WDR89: variants seen among roughly 807,000 people sequenced by gnomAD.
WDR89 encodes WD repeat domain 89, also known as WD repeat-containing protein 89.
Under a neutral mutation model 29.1 loss-of-function variants are expected in WDR89, and 17 were observed. The observed-to-expected ratio is 0.58, with a 90% confidence interval of 0.40 to 0.88. The LOEUF (loss-of-function observed/expected upper bound fraction) is 0.88, where lower values mean the gene tolerates loss of function less well. Among genes scored for constraint, WDR89 ranks in the 40% least tolerant of loss-of-function variants. WDR89 has a pLI of 0.00. For synonymous variants in WDR89, 138 were observed against 157.8 expected (o/e 0.87, Z 0.94); for missense variants, 396 against 456.3 (o/e 0.87, Z 1.20).
At chr14:63,622,712 A>G (rs1470351952) in intron 2 of WDR89, among the ~76,000 whole-genome samples, 1 of 152,034 alleles carries the variant, frequency 6.6e-6, no homozygotes, top group African/African-American at 2.4e-5. Context: ...GGCTGCAGTG[A>G]GCTGAGATTA....
At chr14:63,616,844 G>C (rs1021731264) in intron 2 of WDR89, among the ~76,000 whole-genome samples, 1 of 152,162 alleles carries the variant, frequency 6.6e-6, no homozygotes. Context: ...TAAAGGGCAA[G>C]AGTATAAGTA....
At position 63,599,232 on chromosome 14, in the gene WDR89, A is replaced by G; in HGVS notation, c.711T>C (p.His237=). The G allele has an allele frequency of 6.2e-7, 1 of 1,606,532 alleles. No individual in the cohort carries two copies. The highest frequency in any genetic ancestry group is 8.5e-7 in the Non-Finnish European group (1 of 1,175,090). The stretch of plus-strand genomic sequence containing the variant: ...GATCCCACCAATAAAATCCTTCATC[A>G]TGTGTCATGCAGTAAATCTGTTTAT... The part of the protein sequence containing the change: ...KGYKQIYCMT[H]DEGFYWWDLN... Residue 237 remains histidine, a synonymous_variant, in exon 3 of 3, where the codon CAT becomes CAC. Transcript: ENST00000620954.
rs1186934877 is a variant in WDR89, at chr14:63,598,255, T to A, written c.*524A>T. 1 of 152,264 alleles carries A rather than the reference T, an allele frequency of 6.6e-6. No individual in the cohort carries two copies. The highest frequency in any genetic ancestry group is 2.4e-5 in the African/African-American group (1 of 41,472). The allele number at this position is 152,264 out of a possible 1,614,324, so 9.4% of individuals were successfully genotyped here. A position where few individuals can be genotyped will look rare whatever the true frequency, so the allele number is the denominator to read the frequency against. On this transcript the variant is annotated 3_prime_UTR_variant, in exon 3 of 3. Transcript: ENST00000620954. ...ACATATTTTTCTCACTTTACATAGA[T>A]GCCTATCATTTCATTTGTAAAAAAG... is the stretch of plus-strand genomic sequence containing the variant.
chr14:63,608,793 T>C (rs372069224), intron 2 of WDR89, among the ~76,000 whole-genome samples: 1 of 151,734 alleles, frequency 6.6e-6, no homozygotes, highest in East Asian at 1.9e-4. Context: ...AAGTAAACAA[T>C]TACAATATAG....
intron 2 of WDR89, among the ~76,000 whole-genome samples, chr14:63,611,569 T>C (rs1357319770): frequency 6.6e-6 from 1 of 151,960 alleles, no homozygotes; most frequent in Non-Finnish European, 1.5e-5. Flanking sequence ...GTTAATAGTA[T>C]TATTCCAATG....
chr14:63,628,688 G>C (rs544117119), intron 1 of WDR89, among the ~76,000 whole-genome samples: 3 of 152,338 alleles, frequency 2.0e-5, no homozygotes, highest in Admixed American at 1.3e-4. Flanking sequence ...CACTGGCCGG[G>C]TGCGGTGGCT....
intron 2 of WDR89, among the ~76,000 whole-genome samples, chr14:63,605,205 TACACATACACACACAC>T (rs1250654191): frequency 0.023 from 2,955 of 128,118 alleles, 43 homozygotes; most frequent in Non-Finnish European, 0.027. Flanking sequence ...CATATATACA[TACACATACACACACAC>T]ACACACACAC....
chr14:63,599,498 T>C lies in WDR89; in HGVS notation c.445A>G (p.Arg149Gly). 6.2e-7 allele frequency: 1 copy of C among 1,614,182 alleles called. No individual in the cohort carries two copies. Among genetic ancestry groups the C allele is most frequent in the South Asian group, 1.1e-5 (1 of 91,082 alleles). Residue 149 changes from arginine to glycine, a missense_variant, in exon 3 of 3, where the codon AGG (arginine) becomes GGG (glycine). Transcript: ENST00000620954. ...DDALLVFWDA[R>G]MNSQNLSTTK... ...GTAGATAAATTCTGAGAATTCATCC[T>C]TGCATCCCAAAACACCAACAATGCA...
intron 2 of WDR89, among the ~76,000 whole-genome samples, chr14:63,608,624 T>C (rs1881747530): frequency 6.6e-6 from 1 of 151,532 alleles, no homozygotes; most frequent in Non-Finnish European, 1.5e-5. Flanking sequence ...GTGTAAATAC[T>C]GCAGTGAAGT....
At chr14:63,609,744 C>G (rs867418722) in intron 2 of WDR89, among the ~76,000 whole-genome samples, 6 of 151,612 alleles carry the variant, frequency 4.0e-5, no homozygotes, top group Non-Finnish European at 8.8e-5. Flanking sequence ...GAGCCAAGAT[C>G]GCGCCACTGC....
rs1894940013 is a variant in WDR89 at position 63,599,398 on chromosome 14, T to C, written c.545A>G (p.Asn182Ser). 2 of 1,614,074 alleles carry C rather than the reference T, an allele frequency of 1.2e-6. No homozygotes were observed. Among genetic ancestry groups the C allele is most frequent in the African/African-American group, 1.3e-5 (1 of 74,926 alleles). Residue 182 changes from asparagine (N) to serine (S), a missense_variant, in exon 3 of 3, where the codon AAT becomes AGT. By Grantham distance (46) the Asn-to-Ser change is conservative (BLOSUM62 1). Coordinates refer to ENST00000620954, the MANE Select transcript of WDR89 (RefSeq NM_080666.4). ...TGAACCTGAGACTACCATGTTGGGA[T>C]TGCTGGGATGGAAACGTACTTGAGT... Reference protein sequence around the residue: ...DVTQVRFHPSNPNMVVSGSSD... With the variant: ...DVTQVRFHPSSPNMVVSGSSD...
At chr14:63,640,725 C>T (rs1386101929) in intron 1 of WDR89, among the ~76,000 whole-genome samples, 3 of 151,698 alleles carry the variant, frequency 2.0e-5, no homozygotes, top group Admixed American at 6.6e-5. Context: ...ATCCGCCCGC[C>T]TCGGCCTCCC....
intron 2 of WDR89, among the ~76,000 whole-genome samples, chr14:63,610,684 A>ATTCTT (rs1260659307): frequency 4.4e-4 from 66 of 148,672 alleles, no homozygotes; most frequent in Non-Finnish European, 7.3e-4. Flanking sequence ...TTTGAGGAAT[A>ATTCTT]TTCTTTTCTT....
intron 2 of WDR89, among the ~76,000 whole-genome samples, chr14:63,609,124 C>A (rs76477249): frequency 2.0e-5 from 3 of 150,810 alleles, no homozygotes; most frequent in African/African-American, 4.9e-5. Flanking sequence ...AAAAAAAACC[C>A]AAAAAAACAA....
chr14:63,601,560 G>C, intron 2 of WDR89: 1 of 1,595,434 alleles, frequency 6.3e-7, no homozygotes, highest in African/African-American at 1.3e-5. Flanking sequence ...AGTATTGGTT[G>C]AAAGGAGTGC....
chr14:63,631,176 G>C (rs538297333), intron 1 of WDR89, among the ~76,000 whole-genome samples: 1 of 152,072 alleles, frequency 6.6e-6, no homozygotes, highest in Non-Finnish European at 1.5e-5. Flanking sequence ...ATCATTACAC[G>C]AAGTATACGT....
chr14:63,634,998 C>A, intron 1 of WDR89, among the ~76,000 whole-genome samples: 1 of 150,822 alleles, frequency 6.6e-6, no homozygotes. Context: ...GATTGTGCCA[C>A]TACACTCTGT....
rs148166572 is a variant in WDR89 at position 63,628,942 on chromosome 14, AAAAAAAC to A, written c.-137-3916_-137-3910del. Among the ~76,000 whole-genome samples, 681 of 151,938 alleles carry A rather than the reference AAAAAAAC, an allele frequency of 4.5e-3. 20 individuals carry two copies. In the East Asian group the frequency reaches 0.077, roughly 17 times the overall value. ...TGACAATGTGAGACCCTGTCTCAAA[AAAAAAAC>A]AAAAAACAAAAAACGATGTTTGCCT... On this transcript the variant is annotated intron_variant, in intron 1 of 2. Coordinates refer to ENST00000620954, the MANE Select transcript of WDR89 (RefSeq NM_080666.4).
intron 1 of WDR89, among the ~76,000 whole-genome samples, chr14:63,628,288 T>C (rs1883195080): frequency 6.6e-6 from 1 of 152,228 alleles, no homozygotes; most frequent in East Asian, 1.9e-4. Flanking sequence ...TTAGAATTTA[T>C]AACTGTACTC....
Sources: allele counts gnomAD v4.1 joint callset (sites outside exome capture counted in the v4.1 genomes callset), GRCh38; gene constraint gnomAD v4.1.1; transcripts MANE v1.5; gene names NCBI Gene and HGNC (gene_info 2026-07-23, HGNC 2026-07-21).